Variants in PPFIBP2 observed in about 807,000 individuals in gnomAD.
PPFIBP2 encodes the protein liprin-beta-2.
In PPFIBP2, 118 loss-of-function variants were observed where a neutral mutation model predicts 118.3. The observed-to-expected ratio is 1.00, with a 90% CI of 0.86 to 1.16. PPFIBP2 has a LOEUF of 1.16. PPFIBP2 is among the 50% of genes most tolerant of loss of function. The probability of loss-of-function intolerance (pLI) is 0.00; values close to 1 mark genes in which losing one functional copy is unlikely to be tolerated. For synonymous variants in PPFIBP2, 414 were observed against 397.4 expected, an observed-to-expected ratio of 1.04 and a Z score of -0.50; for missense variants, 1,195 against 1,073.1, an observed-to-expected ratio of 1.11 and a Z score of -1.59.
At chr11:7,570,532 C>G (rs530778393) in intron 3 of PPFIBP2, among the ~76,000 whole-genome samples, 2 of 152,286 alleles carry the variant, frequency 1.3e-5, no homozygotes, top group South Asian at 4.1e-4. Context: ...AAAGTGAAGG[C>G]AAGTCAAGGA....
intron 22 of PPFIBP2, 66 bp from the exon 23 acceptor site, chr11:7,651,590 C>T (rs1002784818): frequency 9.1e-5 from 133 of 1,469,290 alleles, no homozygotes; most frequent in Non-Finnish European, 1.0e-4. Flanking sequence ...GCCAGTCTCT[C>T]AGCATCCTCC....
At position 7,613,718 on chromosome 11, in the gene PPFIBP2, C is replaced by T. The variant is rs1312909751; in HGVS notation, c.618+3296C>T. Among the ~76,000 whole-genome samples, 4 of 152,272 alleles carry T rather than the reference C, an allele frequency of 2.6e-5. No individual in the cohort carries two copies. In the East Asian group the frequency reaches 7.7e-4, roughly 29 times the overall value. On this transcript the variant is annotated intron_variant, in intron 6 of 23. Coordinates refer to ENST00000299492, the MANE Select transcript of PPFIBP2 (RefSeq NM_003621.5). ...AAGGCGTGTTGCTCAGATGGGCCTTCCCCAAGAAAGAAATCTGGCTTCTCC... is the reference window on the plus strand; with the variant it reads ...AAGGCGTGTTGCTCAGATGGGCCTTTCCCAAGAAAGAAATCTGGCTTCTCC...
rs570782697 is a variant in PPFIBP2, at chr11:7,648,518, C to G, written c.1778C>G (p.Thr593Ser). The change falls in exon 18 of 24, where the codon ACC becomes AGC. Residue 593 changes from threonine to serine, a missense_variant. Coordinates refer to ENST00000299492, the MANE Select transcript of PPFIBP2 (RefSeq NM_003621.5). ...TCTGGCCACACCTTATTGACAGCCA[C>G]CCCTCAGGACATGGAAAAGGTAAGG... ...VSSGHTLLTA[T>S]PQDMEKELGI... 2 of 1,614,030 alleles carry G rather than the reference C, an allele frequency of 1.2e-6. No homozygotes were observed. The highest frequency in any genetic ancestry group is 1.7e-6 in the Non-Finnish European group (2 of 1,179,996).
intron 6 of PPFIBP2, among the ~76,000 whole-genome samples, chr11:7,614,668 C>T (rs769318713): frequency 7.2e-5 from 11 of 152,094 alleles, no homozygotes; most frequent in Non-Finnish European, 1.5e-4. Flanking sequence ...TTCCAAATTG[C>T]CCTCTCTAGA....
Position 7,610,282 on chromosome 11 carries a change from T to C in PPFIBP2, c.487-9T>C, listed in dbSNP as rs1847906557. ...GGTTTCTGATTTCGAGATCTGTTTT[T>C]GCTTGCAGGAGCTGCTAAGCCGCAC... is the stretch of plus-strand genomic sequence containing the variant. On this transcript the variant is annotated splice_polypyrimidine_tract_variant and intron_variant, in intron 5 of 23. Transcript: ENST00000299492. The C allele has an allele frequency of 6.2e-7, 1 of 1,613,230 alleles. No individual in the cohort carries two copies. Among genetic ancestry groups the C allele is most frequent in the Non-Finnish European group, 8.5e-7 (1 of 1,179,136 alleles).
the PPFIBP2 span, among the ~76,000 whole-genome samples, chr11:7,662,968 G>A: frequency 1.5e-4 from 20 of 137,814 alleles, 1 homozygote; most frequent in Non-Finnish European, 2.6e-4. Flanking sequence ...CATTCTTCAC[G>A]TAGTTCTCAA....
intron 11 of PPFIBP2, among the ~76,000 whole-genome samples, chr11:7,631,748 G>A (rs1231582142): frequency 6.6e-6 from 1 of 152,152 alleles, no homozygotes; most frequent in Non-Finnish European, 1.5e-5. Context: ...CATCCAGTGA[G>A]CCAGTTATTG....
At chr11:7,665,253 T>A in the PPFIBP2 span, 1 of 820,532 alleles carries the variant, frequency 1.2e-6, no homozygotes, top group African/African-American at 1.7e-5. Flanking sequence ...GGAGAACCAG[T>A]GTGTGCGCGA....
intron 6 of PPFIBP2, among the ~76,000 whole-genome samples, chr11:7,615,238 AG>A (rs1296317980): frequency 6.6e-6 from 1 of 151,636 alleles, no homozygotes; most frequent in Non-Finnish European, 1.5e-5. Context: ...TGGGAGACTG[AG>A]ACATGAGAAT....
intron 2 of PPFIBP2, among the ~76,000 whole-genome samples, chr11:7,563,698 A>C (rs1854607884): frequency 6.6e-6 from 1 of 152,156 alleles, no homozygotes; most frequent in African/African-American, 2.4e-5. Context: ...AAATAATGCA[A>C]ATGCCCTAGA....
chr11:7,617,193 C>T (rs564880293), intron 6 of PPFIBP2: 25 of 985,434 alleles, frequency 2.5e-5, no homozygotes, highest in South Asian at 1.4e-4. Context: ...TCAAGAGCGC[C>T]TGTTACTCAG....
intron 6 of PPFIBP2, among the ~76,000 whole-genome samples, chr11:7,612,945 A>C (rs1262101886): frequency 6.6e-6 from 1 of 152,194 alleles, no homozygotes; most frequent in Non-Finnish European, 1.5e-5. Flanking sequence ...GTTTATTTTG[A>C]GTGAGACATT....
At chr11:7,546,781 C>T (rs1267759830) in intron 1 of PPFIBP2, among the ~76,000 whole-genome samples, 1 of 152,256 alleles carries the variant, frequency 6.6e-6, no homozygotes, top group Non-Finnish European at 1.5e-5. Context: ...CCTGGAACAG[C>T]ATTCTCCTCC....
Position 7,565,697 on chromosome 11 carries a change from G to C in PPFIBP2, c.209G>C (p.Arg70Thr). ...ALEMLELPQE[R>T]AALLSQIPGP... is the part of the protein sequence containing the mutation. ...GAGATGCTGGAGCTTCCTCAGGAGA[G>C]AGCAGCCCTCCTGAGCCAGATCCCT... Residue 70 changes from arginine to threonine, a missense_variant, in exon 3 of 24, where the codon AGA (arginine) becomes ACA (threonine). Transcript: ENST00000299492. The C allele has an allele frequency of 1.2e-6, 2 of 1,614,194 alleles. No homozygotes were observed. The highest frequency in any genetic ancestry group is 1.7e-6 in the Non-Finnish European group (2 of 1,180,026).
intron 3 of PPFIBP2, chr11:7,576,454 G>A (rs1012774483): frequency 6.6e-6 from 1 of 152,324 alleles, no homozygotes; most frequent in South Asian, 2.1e-4. Flanking sequence ...GAGTGCTGGA[G>A]GGGCCACCTG....
chr11:7,666,126 T>C, the PPFIBP2 span: 1 of 614,252 alleles, frequency 1.6e-6, no homozygotes, highest in Non-Finnish European at 2.9e-6. Context: ...AAGGGGTCAG[T>C]GCCCATATTA....
chr11:7,641,568 C>T lies in PPFIBP2; in HGVS notation c.1465C>T (p.Leu489=), dbSNP rs768751570. ...CACTGAATCAGGTCCTCAGTCTCCTCTGACACCAGATGGTAAACGGAATCC... is the reference window on the plus strand; with the variant it reads ...CACTGAATCAGGTCCTCAGTCTCCTTTGACACCAGATGGTAAACGGAATCC... ...SGTESGPQSP[L]TPDGKRNPKG... Residue 489 remains leucine, a synonymous_variant, in exon 16 of 24, where the codon CTG becomes TTG. Coordinates refer to ENST00000299492, the MANE Select transcript of PPFIBP2 (RefSeq NM_003621.5). 6.2e-7 allele frequency: 1 copy of T among 1,614,038 alleles called. No homozygotes were observed. Among genetic ancestry groups the T allele is most frequent in the Admixed American group, 1.7e-5 (1 of 60,030 alleles).
chr11:7,653,580 C>T lies in PPFIBP2; in HGVS notation c.*362C>T. On this transcript the variant is annotated 3_prime_UTR_variant, in exon 24 of 24. Transcript: ENST00000299492. ...CACGAGGCTCAGCTCTCAGGCACCCCCTACACTTCAGTTGAGGGAAAAGCT... is the reference window on the plus strand; with the variant it reads ...CACGAGGCTCAGCTCTCAGGCACCCTCTACACTTCAGTTGAGGGAAAAGCT... The T allele has an allele frequency of 1.5e-6, 2 of 1,305,682 alleles. No homozygotes were observed. Among genetic ancestry groups the T allele is most frequent in the African/African-American group, 1.5e-5 (1 of 66,680 alleles). 80.9% of individuals were successfully genotyped at this position (1,305,682 alleles called of 1,614,324 possible).
chr11:7,633,072 A>C, intron 12 of PPFIBP2, 138 bp downstream of exon 12: 2 of 740,126 alleles, frequency 2.7e-6, no homozygotes, highest in Non-Finnish European at 2.3e-6. Flanking sequence ...TTGTTAGGGC[A>C]GTTACAAACC....
Sources: gnomAD v4.1 joint callset for allele counts (sites outside exome capture counted in the v4.1 genomes callset) on GRCh38, gnomAD v4.1.1 for gene constraint, MANE v1.5 for transcripts, NCBI Gene and HGNC (gene_info 2026-07-23, HGNC 2026-07-21) for gene names.